COL4A4: variants seen among roughly 807,000 people sequenced by gnomAD.
The protein encoded by COL4A4 is collagen alpha-4(IV) chain.
A neutral mutation model predicts 192.9 loss-of-function variants in COL4A4; 105 were observed. That is an observed-to-expected ratio of 0.54 (90% CI 0.46 to 0.64). The LOEUF is 0.64. Ranked by LOEUF, COL4A4 falls within the 30% of genes least tolerant of loss-of-function variation. The pLI, the probability that COL4A4 is intolerant of heterozygous loss-of-function variation, is 0.00. For synonymous variants in COL4A4, 762 were observed against 769.9 expected, an observed-to-expected ratio of 0.99 and a Z score of 0.17; for missense variants, 1,967 against 2,169.3, an observed-to-expected ratio of 0.91 and a Z score of 1.85.
Position 227,032,220 on chromosome 2 carries a change from T to C in COL4A4, c.3634A>G (p.Arg1212Gly), listed in dbSNP as rs374164087. The change falls in exon 39 of 48, where the codon AGA becomes GGA. Residue 1212 changes from arginine (R) to glycine (G), a missense_variant. Transcript: ENST00000396625. ...PVGIPGLKGE[R>G]GDPGSPGISP... ...ATTCCTGGGCTCCCAGGGTCTCCTCTCTCCCCTTTTAGCCCAGGTATTCCC... is the reference window on the plus strand; with the variant it reads ...ATTCCTGGGCTCCCAGGGTCTCCTCCCTCCCCTTTTAGCCCAGGTATTCCC... 28 of 1,614,060 alleles carry C rather than the reference T, an allele frequency of 1.7e-5. No individual in the cohort carries two copies. The African/African-American group carries it at 2.1e-4, about 12-fold the overall frequency.
At chr2:227,119,968 A>T in intron 5 of COL4A4, 29 bp from the exon 6 acceptor site, 2 of 1,493,618 alleles carry the variant, frequency 1.3e-6, no homozygotes, top group Non-Finnish European at 1.8e-6. Context: ...AAACAAAGAG[A>T]TAAAAATTAT....
the COL4A4 span, chr2:226,997,217 T>C: frequency 6.6e-6 from 1 of 152,218 alleles, no homozygotes; most frequent in Admixed American, 6.5e-5. Flanking sequence ...CTTTATAATA[T>C]AAATTGTACC....
At chr2:227,020,300 G>T (rs1965749452) in intron 44 of COL4A4, among the ~76,000 whole-genome samples, 1 of 152,016 alleles carries the variant, frequency 6.6e-6, no homozygotes, top group African/African-American at 2.4e-5. Context: ...TAGTAATACC[G>T]ACTGACAGAA....
intron 4 of COL4A4, among the ~76,000 whole-genome samples, chr2:227,134,267 A>G (rs549574676): frequency 6.6e-6 from 1 of 152,308 alleles, no homozygotes; most frequent in South Asian, 2.1e-4. Flanking sequence ...TGAGTCTGCC[A>G]TCTCTGACAG....
Position 227,007,303 on chromosome 2 carries a change from G to C in COL4A4, c.*22C>G, listed in dbSNP as rs562265530. 3.7e-6 allele frequency: 6 copies of C among 1,614,166 alleles called. No individual in the cohort carries two copies. The South Asian group carries it at 6.6e-5, about 18-fold the overall frequency. ...CCCCTAGGAAGTTTCTCTTGGCCAC[G>C]TGTTGGTGAATTTCGCATTCTCTAG... On this transcript the variant is annotated 3_prime_UTR_variant, in exon 48 of 48. Coordinates refer to ENST00000396625, the MANE Select transcript of COL4A4 (RefSeq NM_000092.5).
intron 37 of COL4A4, among the ~76,000 whole-genome samples, chr2:227,038,459 G>A (rs1970133550): frequency 2.0e-5 from 3 of 152,146 alleles, no homozygotes; most frequent in African/African-American, 7.2e-5. Context: ...ATGCTGTTAT[G>A]GTTACTGTAG....
the COL4A4 span, chr2:226,995,776 C>T: frequency 7.9e-4 from 380 of 480,606 alleles, 3 homozygotes; most frequent in South Asian, 3.7e-4. Context: ...CCAGTTTCCA[C>T]GCTCCCATCT....
In COL4A4 at chr2:227,052,351, A is replaced by G. The variant is rs762735176; in HGVS notation, c.2922T>C (p.Pro974=). ...EMAIISQKGT[P]GEPGPPGDDG... ...CATCTCCAGGAGGTCCAGGTTCCCC[A>G]GGTGTTCCCTTTTGTGAAATGATAG... The change falls in exon 32 of 48, where the codon CCT becomes CCC. Residue 974 remains proline (P), a synonymous_variant. Transcript: ENST00000396625. 1.4e-5 allele frequency: 22 copies of G among 1,613,408 alleles called. No homozygotes were observed. In the South Asian group the frequency reaches 2.4e-4, roughly 18 times the overall value.
chr2:227,022,686 C>T (rs1321089856), intron 43 of COL4A4, among the ~76,000 whole-genome samples: 2 of 152,188 alleles, frequency 1.3e-5, no homozygotes, highest in East Asian at 1.9e-4. Flanking sequence ...GAAGCAGTGA[C>T]TTTCAACCTT....
chr2:227,101,199 T>C (rs551548269), intron 17 of COL4A4, among the ~76,000 whole-genome samples: 21 of 152,300 alleles, frequency 1.4e-4, no homozygotes, highest in African/African-American at 5.1e-4. Flanking sequence ...TCTCTTTGCC[T>C]GCTGCCATCC....
At chr2:227,041,971 T>A (rs1971559822) in intron 37 of COL4A4, among the ~76,000 whole-genome samples, 177 bp downstream of exon 37, 1 of 151,976 alleles carries the variant, frequency 6.6e-6, no homozygotes, top group African/African-American at 2.4e-5. Flanking sequence ...GTCAGCTGAC[T>A]GGATGGGCAC....
At chr2:227,030,904 AC>A (rs1968145488) in intron 40 of COL4A4, among the ~76,000 whole-genome samples, 1 of 151,592 alleles carries the variant, frequency 6.6e-6, no homozygotes, top group Non-Finnish European at 1.5e-5. Context: ...TTGCCATCTT[AC>A]TGCTTTAATA....
Position 227,043,199 on chromosome 2 carries a change from A to G in COL4A4, c.3290-15T>C, listed in dbSNP as rs2150104217. ...TCCAAAATGCCCTAAAGAAGGAAAG[A>G]TCAAACATCAGAGTTGCCGTTTGAG... On this transcript the variant is annotated splice_polypyrimidine_tract_variant and intron_variant, in intron 35 of 47. Transcript: ENST00000396625. 1 of 1,603,546 alleles carries G rather than the reference A, an allele frequency of 6.2e-7. No homozygotes were observed. Among genetic ancestry groups the G allele is most frequent in the Non-Finnish European group, 8.5e-7 (1 of 1,170,390 alleles).
At chr2:227,117,980 T>C (rs2061580483) in intron 7 of COL4A4, among the ~76,000 whole-genome samples, 1 of 152,202 alleles carries the variant, frequency 6.6e-6, no homozygotes, top group African/African-American at 2.4e-5. Flanking sequence ...CTAGGAGATG[T>C]GGAAGGCAGA....
intron 12 of COL4A4, among the ~76,000 whole-genome samples, chr2:227,108,323 T>G (rs549793766): frequency 5.9e-5 from 9 of 152,352 alleles, no homozygotes; most frequent in Non-Finnish European, 2.9e-5. Context: ...TAATATATTG[T>G]CAAAAATGTT....
chr2:227,155,695 G>C (rs951094761), intron 1 of COL4A4, among the ~76,000 whole-genome samples: 2 of 152,182 alleles, frequency 1.3e-5, no homozygotes, highest in African/African-American at 2.4e-5. Flanking sequence ...TGTGAGGCTA[G>C]CATTTGCCTT....
chr2:227,090,010 G>T, intron 20 of COL4A4, 53 bp from the exon 21 acceptor site: 1 of 1,430,586 alleles, frequency 7.0e-7, no homozygotes, highest in Admixed American at 1.7e-5. Flanking sequence ...TTTTCTGACT[G>T]TCTTCTATAG....
intron 7 of COL4A4, among the ~76,000 whole-genome samples, chr2:227,115,475 T>C (rs2061443800): frequency 6.6e-6 from 1 of 152,008 alleles, no homozygotes. Context: ...GGTTTCACCA[T>C]GTTAGCCAGG....
At chr2:227,087,435 A>G (rs1249444964) in intron 22 of COL4A4, among the ~76,000 whole-genome samples, 1 of 152,158 alleles carries the variant, frequency 6.6e-6, no homozygotes, top group Admixed American at 6.6e-5. Flanking sequence ...CACTCCTTCC[A>G]TCGCCTTCCC....
Sources: allele counts gnomAD v4.1 joint callset (sites outside exome capture counted in the v4.1 genomes callset), GRCh38; gene constraint gnomAD v4.1.1; transcripts MANE v1.5; gene names NCBI Gene and HGNC (gene_info 2026-07-23, HGNC 2026-07-21).